DRD2: variants seen among roughly 807,000 people sequenced by gnomAD.
DRD2 encodes the protein D(2) dopamine receptor.
A neutral mutation model predicts 38.0 loss-of-function variants in DRD2; 8 were observed. That is an observed-to-expected ratio of 0.21 (90% CI 0.12 to 0.38). The LOEUF (loss-of-function observed/expected upper bound fraction) is 0.38. Among genes scored for constraint, DRD2 ranks in the 10% least tolerant of loss-of-function variants. The pLI, the probability that DRD2 is intolerant of heterozygous loss-of-function variation, is 1.00. For missense variants in DRD2, 403 were observed against 607.7 expected (o/e 0.66, Z 3.54); for synonymous variants, 230 against 238.6 (o/e 0.96, Z 0.33).
chr11:113,422,138 C>A (rs560536155), intron 2 of DRD2, among the ~76,000 whole-genome samples: 3 of 152,230 alleles, frequency 2.0e-5, no homozygotes, highest in East Asian at 1.9e-4. Flanking sequence ...GAAGAGGGTA[C>A]CTACTTGCCT....
intron 1 of DRD2, among the ~76,000 whole-genome samples, chr11:113,433,639 G>T (rs991636130): frequency 2.0e-5 from 3 of 152,206 alleles, no homozygotes; most frequent in Non-Finnish European, 2.9e-5. Context: ...TATGTTATCT[G>T]CAGGGAACAT....
At chr11:113,465,229 T>G (rs1284439865) in intron 1 of DRD2, among the ~76,000 whole-genome samples, 2 of 152,096 alleles carry the variant, frequency 1.3e-5, no homozygotes, top group East Asian at 3.9e-4. Context: ...GCCACCCCAG[T>G]AGCTGGGATT....
In DRD2 at chr11:113,412,617, G is replaced by T. The variant is rs777971489; in HGVS notation, c.1077C>A (p.Ser359Arg). 5.0e-6 allele frequency: 8 copies of T among 1,614,200 alleles called. No individual in the cohort carries two copies. Among genetic ancestry groups the T allele is most frequent in the Non-Finnish European group, 5.9e-6 (7 of 1,180,044 alleles). The change falls in exon 7 of 8, where the codon AGC becomes AGA. Residue 359 changes from serine (S) to arginine (R), a missense_variant. This residue lies in a region of DRD2 where 67 missense variants were observed against 136.1 expected (regional missense o/e 0.49). Coordinates refer to ENST00000362072, the MANE Select transcript of DRD2 (RefSeq NM_000795.4). ...GKTRTSLKTM[S>R]RRKLSQQKEK... ...CCTTCTGCTGGGAGAGCTTCCTACG[G>T]CTCATGGTCTTGAGGGAGGTCCGGG...
intron 3 of DRD2, 79 bp from the exon 4 acceptor site, chr11:113,417,078 C>T: frequency 1.3e-6 from 2 of 1,560,980 alleles, no homozygotes; most frequent in Non-Finnish European, 1.7e-6. Context: ...ACCAGAGACA[C>T]CCTCACTCCT....
At position 113,475,387 on chromosome 11, in the gene DRD2, C is replaced by G. The variant is rs1591308991; in HGVS notation, c.-343G>C. The G allele has an allele frequency of 1.3e-5, 2 of 152,092 alleles. No homozygotes were observed. Among genetic ancestry groups the G allele is most frequent in the South Asian group, 3.6e-4 (2 of 5,594 alleles). 9.4% of individuals were successfully genotyped at this position (152,092 alleles called of 1,614,324 possible). On this transcript the variant is annotated 5_prime_UTR_variant, in exon 1 of 8. Transcript: ENST00000362072. ...CGGCGCGGTGCGCGCGTGAGGCTGCCGGTTCGGCACTGAAGCTGGACAGCT... is the reference window on the plus strand; with the variant it reads ...CGGCGCGGTGCGCGCGTGAGGCTGCGGGTTCGGCACTGAAGCTGGACAGCT...
rs1173220179 is a variant in DRD2 at position 113,410,632 on chromosome 11, C to T, written c.*95G>A. ...TGCCGGGGTGAAGAGGAGGCCGATC[C>T]ACCCAGGCCTTCCTGCTCACGGTTC... On this transcript the variant is annotated 3_prime_UTR_variant, in exon 8 of 8. Transcript: ENST00000362072. 25 of 1,513,902 alleles carry T rather than the reference C, an allele frequency of 1.7e-5. No homozygotes were observed. The highest frequency in any genetic ancestry group is 9.0e-5 in the East Asian group (4 of 44,362). The allele number at this position is 1,513,902 out of a possible 1,614,324, so 93.8% of individuals were successfully genotyped here.
At chr11:113,422,790 G>A (rs1013406117) in intron 2 of DRD2, among the ~76,000 whole-genome samples, 2 of 152,106 alleles carry the variant, frequency 1.3e-5, no homozygotes, top group African/African-American at 4.8e-5. Context: ...GGGACAGGGA[G>A]GTGTGCCACT....
chr11:113,468,518 T>C (rs1302395599), intron 1 of DRD2, among the ~76,000 whole-genome samples: 1 of 152,076 alleles, frequency 6.6e-6, no homozygotes, highest in African/African-American at 2.4e-5. Context: ...CAGAAAAGCA[T>C]TGATCAGGGT....
Position 113,409,978 on chromosome 11 carries a change from C to A in DRD2, c.*749G>T, listed in dbSNP as rs1950750648. 1 of 152,984 alleles carries A rather than the reference C, an allele frequency of 6.5e-6. No individual in the cohort carries two copies. The highest frequency in any genetic ancestry group is 2.1e-4 in the South Asian group (1 of 4,854). 9.5% of individuals were successfully genotyped at this position (152,984 alleles called of 1,614,324 possible). ...CCAGCATGTGCTGTGAGAAGGGATA[C>A]ATTGCAGGGCCGTCAGAAGGCAGCA... is the stretch of plus-strand genomic sequence containing the variant. On this transcript the variant is annotated 3_prime_UTR_variant, in exon 8 of 8. Coordinates refer to ENST00000362072, the MANE Select transcript of DRD2 (RefSeq NM_000795.4).
intron 1 of DRD2, among the ~76,000 whole-genome samples, chr11:113,470,327 C>G (rs1591306531): frequency 6.6e-6 from 1 of 152,194 alleles, no homozygotes; most frequent in African/African-American, 2.4e-5. Flanking sequence ...CCTTTGGCTC[C>G]CAGACATCTG....
Position 113,442,263 on chromosome 11 carries a change from T to C in DRD2, c.-31-17581A>G, listed in dbSNP as rs368110317. Among the ~76,000 whole-genome samples, 117 of 152,340 alleles carry C rather than the reference T, an allele frequency of 7.7e-4. 2 individuals carry two copies. In the South Asian group the frequency reaches 0.024, roughly 31 times the overall value. On this transcript the variant is annotated intron_variant, in intron 1 of 7. Transcript: ENST00000362072. ...GTTTACCACAATCCCCAGCCATCCT[T>C]ACAGCCCTGCACCCAGCTGGTTTCA...
At chr11:113,473,817 C>CA (rs1951451002) in intron 1 of DRD2, among the ~76,000 whole-genome samples, 1 of 152,204 alleles carries the variant, frequency 6.6e-6, no homozygotes, top group South Asian at 2.1e-4. Flanking sequence ...AGACGATAAG[C>CA]ATGATTTCTT....
chr11:113,460,282 C>T (rs1951305358), intron 1 of DRD2, among the ~76,000 whole-genome samples: 1 of 152,250 alleles, frequency 6.6e-6, no homozygotes, highest in Admixed American at 6.5e-5. Flanking sequence ...CCCCCAGCCC[C>T]AGCAGCACTT....
intron 1 of DRD2, among the ~76,000 whole-genome samples, chr11:113,454,674 C>T (rs1373565720): frequency 6.6e-6 from 1 of 152,188 alleles, no homozygotes; most frequent in Non-Finnish European, 1.5e-5. Context: ...TTCACTGCAG[C>T]ATTATTCATA....
intron 1 of DRD2, among the ~76,000 whole-genome samples, chr11:113,433,562 C>T (rs951720093): frequency 6.6e-6 from 1 of 152,130 alleles, no homozygotes; most frequent in African/African-American, 2.4e-5. Flanking sequence ...GGGAGCCTCC[C>T]TGGAACCTGG....
rs112204362 is a variant in DRD2 at position 113,415,409 on chromosome 11, G to T, written c.723+12C>A. On this transcript the variant is annotated intron_variant, in intron 5 of 7. Coordinates refer to ENST00000362072, the MANE Select transcript of DRD2 (RefSeq NM_000795.4). Reference sequence around the variant, plus strand: ...GGGGACCCTTGGAGTTGGTTGGGGGGTGTCTTGAGACCTTTAGTGGAGCCC... The same window carrying T: ...GGGGACCCTTGGAGTTGGTTGGGGGTTGTCTTGAGACCTTTAGTGGAGCCC... The T allele has an allele frequency of 8.7e-6, 14 of 1,606,320 alleles. 1 individual carries two copies. The South Asian group carries it at 1.0e-4, about 11-fold the overall frequency.
chr11:113,424,583 G>A lies in DRD2; in HGVS notation c.69C>T (p.Asn23=), dbSNP rs200831689. Residue 23 remains asparagine, a synonymous_variant, in exon 2 of 8, where the codon AAC becomes AAT. Transcript: ENST00000362072. ...GTCTGTCCGCCTTCCCGTCTGACCCGTTGAAGGGCCGGCTCCAGTTCTGCC... is the reference window on the plus strand; with the variant it reads ...GTCTGTCCGCCTTCCCGTCTGACCCATTGAAGGGCCGGCTCCAGTTCTGCC... The part of the protein sequence containing the change: ...LERQNWSRPF[N]GSDGKADRPH... 4.3e-5 allele frequency: 69 copies of A among 1,614,222 alleles called. No individual in the cohort carries two copies. Among genetic ancestry groups the A allele is most frequent in the East Asian group, 6.7e-5 (3 of 44,888 alleles).
At chr11:113,471,314 G>C (rs989723178) in intron 1 of DRD2, among the ~76,000 whole-genome samples, 2 of 152,182 alleles carry the variant, frequency 1.3e-5, no homozygotes, top group African/African-American at 4.8e-5. Context: ...AACACCATTA[G>C]AGTAATTTAA....
At chr11:113,472,320 G>T (rs560756768) in intron 1 of DRD2, among the ~76,000 whole-genome samples, 73 of 152,242 alleles carry the variant, frequency 4.8e-4, no homozygotes, top group Admixed American at 1.3e-3. Flanking sequence ...CCTTATACTT[G>T]TTTATTCAGA....
Sources: allele counts gnomAD v4.1 joint callset (sites outside exome capture counted in the v4.1 genomes callset), GRCh38; gene constraint gnomAD v4.1.1; regional missense constraint gnomAD v4.1.1; transcripts MANE v1.5; gene names NCBI Gene and HGNC (gene_info 2026-07-23, HGNC 2026-07-21).